Variants in PAX5 observed in about 807,000 individuals in gnomAD.
The protein encoded by PAX5 is paired box protein Pax-5.
A neutral mutation model predicts 43.7 loss-of-function variants in PAX5; 9 were observed. The ratio of observed to expected loss-of-function variants is 0.21; its 90% CI spans 0.12 to 0.36. The LOEUF (loss-of-function observed/expected upper bound fraction) is 0.36, where lower values mean the gene tolerates loss of function less well. Ranked by LOEUF, PAX5 falls within the 10% of genes least tolerant of loss-of-function variation. PAX5 has a pLI of 1.00. For synonymous variants in PAX5, 228 were observed against 214.3 expected (o/e 1.06, Z -0.56); for missense variants, 383 against 532.7 (o/e 0.72, Z 2.77).
chr9:36,940,646 T>G (rs984082794), intron 6 of PAX5, among the ~76,000 whole-genome samples: 2 of 152,020 alleles, frequency 1.3e-5, no homozygotes, highest in African/African-American at 4.8e-5. Flanking sequence ...CAGGATGTGC[T>G]GCTGTCCCAG....
chr9:36,906,490 C>T (rs1290102357), intron 7 of PAX5, among the ~76,000 whole-genome samples: 1 of 152,202 alleles, frequency 6.6e-6, no homozygotes, highest in Non-Finnish European at 1.5e-5. Flanking sequence ...AATTTTACCC[C>T]AGGGCTTCCA....
intron 5 of PAX5, among the ~76,000 whole-genome samples, chr9:37,002,409 AG>A (rs1208703035): frequency 6.6e-6 from 1 of 152,226 alleles, no homozygotes. Flanking sequence ...CTTCTATCCA[AG>A]GGGTGACCAT....
chr9:36,982,481 G>A (rs1408459656), intron 5 of PAX5, among the ~76,000 whole-genome samples: 1 of 152,126 alleles, frequency 6.6e-6, no homozygotes, highest in Non-Finnish European at 1.5e-5. Context: ...TGGACTTACA[G>A]TCCAAGCTTG....
intron 1 of PAX5, among the ~76,000 whole-genome samples, chr9:37,027,091 C>T (rs562884018): frequency 6.6e-6 from 1 of 152,378 alleles, no homozygotes; most frequent in African/African-American, 2.4e-5. Flanking sequence ...CCGCCAGATC[C>T]TTTCTTTCTC....
intron 8 of PAX5, among the ~76,000 whole-genome samples, chr9:36,864,096 G>A (rs535389326): frequency 4.2e-4 from 64 of 152,320 alleles, no homozygotes; most frequent in African/African-American, 1.1e-3. Flanking sequence ...GCATCAGAGC[G>A]AGACTCTGTC....
chr9:36,990,957 A>G (rs975102230), intron 5 of PAX5, among the ~76,000 whole-genome samples: 2 of 152,180 alleles, frequency 1.3e-5, no homozygotes, highest in Non-Finnish European at 2.9e-5. Flanking sequence ...AAAAAATACA[A>G]AAATTAACCA....
intron 5 of PAX5, among the ~76,000 whole-genome samples, chr9:36,992,282 A>T (rs891074616): frequency 1.3e-5 from 2 of 151,906 alleles, no homozygotes; most frequent in African/African-American, 4.8e-5. Context: ...TACCAAACCC[A>T]CTTCTTTATT....
rs1563973301 is a variant in PAX5 at position 36,924,744 on chromosome 9, GAAGGAAGGAAGGA to G, written c.781-1273_781-1261del. Reference sequence around the variant, plus strand: ...AAAAAAAGAAAGAGGTGGAAGGAAGGAAGGAAGGAAGGAAGGAAGGAAGGAAGGAAGGAAGGAA... The same window carrying G: ...AAAAAAAGAAAGAGGTGGAAGGAAGGAGGAAGGAAGGAAGGAAGGAAGGAA... On this transcript the variant is annotated intron_variant, in intron 6 of 9. Coordinates refer to ENST00000358127, the MANE Select transcript of PAX5 (RefSeq NM_016734.3). Among the ~76,000 whole-genome samples the G allele has an allele frequency of 6.2e-3, 603 of 97,676 alleles. 36 individuals are homozygous for G. Among genetic ancestry groups the G allele is most frequent in the African/African-American group, 0.024 (584 of 24,534 alleles). The allele number at this position is 97,676 out of a possible 152,430, so 64.1% of individuals were successfully genotyped here.
intron 6 of PAX5, among the ~76,000 whole-genome samples, chr9:36,928,080 C>G (rs888288768): frequency 6.6e-6 from 1 of 152,216 alleles, no homozygotes; most frequent in Non-Finnish European, 1.5e-5. Context: ...TGGTGGGATT[C>G]CCTCAGTTCT....
intron 7 of PAX5, among the ~76,000 whole-genome samples, chr9:36,908,728 T>G (rs10814473): frequency 5.3e-5 from 8 of 152,042 alleles, no homozygotes; most frequent in Non-Finnish European, 1.2e-4. Context: ...GTGGGCTGGA[T>G]GCTGGAGGCC....
chr9:36,843,763 A>T (rs1587728631), intron 9 of PAX5, among the ~76,000 whole-genome samples: 2 of 152,348 alleles, frequency 1.3e-5, no homozygotes, highest in Admixed American at 1.3e-4. Context: ...TTGATTGAGA[A>T]GGTAGCCCCT....
intron 8 of PAX5, among the ~76,000 whole-genome samples, chr9:36,856,053 G>C (rs1465486919): frequency 3.3e-5 from 5 of 152,158 alleles, no homozygotes; most frequent in Admixed American, 3.3e-4. Context: ...CCCTGCTGTT[G>C]GGTCTGGCTT....
chr9:36,871,501 G>A (rs1480627977), intron 8 of PAX5, among the ~76,000 whole-genome samples: 1 of 152,128 alleles, frequency 6.6e-6, no homozygotes, highest in Non-Finnish European at 1.5e-5. Context: ...GCCACCCAAC[G>A]CTTAGCCCTT....
chr9:37,016,422 G>A (rs1839387702), intron 2 of PAX5, among the ~76,000 whole-genome samples: 2 of 152,124 alleles, frequency 1.3e-5, no homozygotes, highest in Admixed American at 6.5e-5. Context: ...ACTCTTCCAG[G>A]GACCTCCCCT....
In PAX5 at chr9:36,907,933, C is replaced by A. The variant is rs1337536777; in HGVS notation, c.910+15422G>T. The stretch of plus-strand genomic sequence containing the variant: ...TTTACAGTGAACATGTATTACTTTG[C>A]AATTAAAAAGGAATTATTCACTTTG... On this transcript the variant is annotated intron_variant, in intron 7 of 9. Transcript: ENST00000358127. Among the ~76,000 whole-genome samples the A allele has an allele frequency of 2.6e-5, 4 of 152,182 alleles. No individual in the cohort carries two copies. In the South Asian group the frequency reaches 8.3e-4, roughly 32 times the overall value.
At chr9:36,921,641 C>T (rs1046969079) in intron 7 of PAX5, among the ~76,000 whole-genome samples, 3 of 152,238 alleles carry the variant, frequency 2.0e-5, no homozygotes, top group African/African-American at 7.2e-5. Flanking sequence ...TAGCACAGTG[C>T]CTGGTTCTCA....
chr9:36,987,881 CT>C (rs1221153002), intron 5 of PAX5, among the ~76,000 whole-genome samples: 6 of 152,222 alleles, frequency 3.9e-5, no homozygotes, highest in Admixed American at 3.9e-4. Context: ...AGGTTCTTAA[CT>C]GATAAAATGT....
At chr9:36,926,530 C>T (rs1003316107) in intron 6 of PAX5, among the ~76,000 whole-genome samples, 5 of 152,200 alleles carry the variant, frequency 3.3e-5, no homozygotes, top group African/African-American at 9.7e-5. Flanking sequence ...AAGACTTGGT[C>T]GTGGCATTAG....
chr9:36,994,368 C>G (rs1288989378), intron 5 of PAX5, among the ~76,000 whole-genome samples: 3 of 152,208 alleles, frequency 2.0e-5, no homozygotes, highest in Non-Finnish European at 4.4e-5. Flanking sequence ...GACTACCCTA[C>G]CTGCAGGGTA....
Sources: gnomAD v4.1 joint callset for allele counts (sites outside exome capture counted in the v4.1 genomes callset) on GRCh38, gnomAD v4.1.1 for gene constraint, MANE v1.5 for transcripts, NCBI Gene and HGNC (gene_info 2026-07-23, HGNC 2026-07-21) for gene names.